The following GRID1 variants were observed in gnomAD, a reference collection of about 807,000 sequenced individuals.
The protein encoded by GRID1 is glutamate receptor ionotropic, delta-1.
GRID1 carries 28 observed loss-of-function variants against 98.0 expected under a neutral mutation model. The observed-to-expected ratio is 0.29, with a 90% CI of 0.21 to 0.39. The LOEUF is 0.39. Among genes scored for constraint, GRID1 ranks in the 10% least tolerant of loss-of-function variants. The probability of loss-of-function intolerance (pLI) is 1.00; values close to 1 mark genes in which losing one functional copy is unlikely to be tolerated. For missense variants in GRID1, 1,111 were observed against 1,340.5 expected, an observed-to-expected ratio of 0.83 and a Z score of 2.67; for synonymous variants, 553 against 538.5, an observed-to-expected ratio of 1.03 and a Z score of -0.37.
At chr10:86,032,666 T>TA (rs1185097136) in intron 4 of GRID1, among the ~76,000 whole-genome samples, 2 of 151,988 alleles carry the variant, frequency 1.3e-5, no homozygotes, top group East Asian at 3.9e-4. Context: ...TAATCTCAAA[T>TA]ACCCAGGGAC....
chr10:85,772,054 T>C (rs11498989), intron 8 of GRID1, among the ~76,000 whole-genome samples: 3,364 of 152,016 alleles, frequency 0.022, 114 homozygotes, highest in African/African-American at 0.077. Context: ...TATTCCAAAA[T>C]TGACCACATA....
At chr10:86,044,171 C>T (rs777465622) in intron 4 of GRID1, among the ~76,000 whole-genome samples, 7 of 152,220 alleles carry the variant, frequency 4.6e-5, no homozygotes, top group Non-Finnish European at 1.0e-4. Context: ...TCCCCAGAGT[C>T]TAGCAAGTGG....
intron 6 of GRID1, 119 bp downstream of exon 6, chr10:85,868,891 G>T: frequency 6.3e-6 from 5 of 792,872 alleles, no homozygotes; most frequent in Non-Finnish European, 1.0e-5. Flanking sequence ...TTCAACAAAT[G>T]ACAGAGCTCT....
At chr10:86,198,011 T>A (rs114641686) in intron 3 of GRID1, among the ~76,000 whole-genome samples, 2,503 of 152,194 alleles carry the variant, frequency 0.016, 84 homozygotes, top group African/African-American at 0.057. Context: ...CAATGTGTAT[T>A]ATTAATGAGA....
chr10:85,599,802 A>AAAAAT lies in GRID1; in HGVS notation c.*2470_*2471insATTTT. On this transcript the variant is annotated 3_prime_UTR_variant, in exon 16 of 16. Coordinates refer to ENST00000327946, the MANE Select transcript of GRID1 (RefSeq NM_017551.3). ...GTAGAAAATTCTAAAAAAAAAAAAA[A>AAAAAT]ATATATATATATATATATAAACATG... 3 of 64,958 alleles carry AAAAAT rather than the reference A, an allele frequency of 4.6e-5. No homozygotes were observed. The highest frequency in any genetic ancestry group is 1.7e-4 in the Admixed American group (1 of 5,844). The allele number at this position is 64,958 out of a possible 1,614,324, so 4.0% of individuals were successfully genotyped here. A position where few individuals can be genotyped will look rare whatever the true frequency, so the allele number is the denominator to read the frequency against.
intron 8 of GRID1, among the ~76,000 whole-genome samples, chr10:85,803,146 G>T (rs969583574): frequency 2.0e-5 from 3 of 151,982 alleles, no homozygotes; most frequent in Non-Finnish European, 4.4e-5. Context: ...TTAAAAGAAT[G>T]AGTAAGAGCT....
At chr10:85,987,920 C>T (rs913732964) in intron 4 of GRID1, among the ~76,000 whole-genome samples, 9 of 152,038 alleles carry the variant, frequency 5.9e-5, no homozygotes, top group Non-Finnish European at 1.0e-4. Context: ...TGTGTAATGC[C>T]TACCTCACCT....
intron 2 of GRID1, among the ~76,000 whole-genome samples, chr10:86,306,095 C>A (rs1481531696): frequency 6.6e-6 from 1 of 152,208 alleles, no homozygotes; most frequent in African/African-American, 2.4e-5. Flanking sequence ...CCTGTGGATG[C>A]AGAGAGGAGG....
At chr10:86,259,126 G>GGGCTGGACACAGGCCAACATA (rs1846970623) in intron 2 of GRID1, among the ~76,000 whole-genome samples, 1 of 152,252 alleles carries the variant, frequency 6.6e-6, no homozygotes, top group African/African-American at 2.4e-5. Flanking sequence ...AGGCCAACAT[G>GGGCTGGACACAGGCCAACATA]TGCTGCCCAG....
intron 4 of GRID1, among the ~76,000 whole-genome samples, chr10:85,936,728 T>C (rs891297991): frequency 3.1e-4 from 47 of 152,326 alleles, no homozygotes; most frequent in Non-Finnish European, 5.7e-4. Context: ...TTTACTTGCC[T>C]CTATTTTGAC....
Position 85,600,955 on chromosome 10 carries a change from G to C in GRID1, c.*1318C>G, listed in dbSNP as rs2616672. 98,024 of 152,112 alleles carry C rather than the reference G, an allele frequency of 0.64. 32,349 individuals carry two copies. Among genetic ancestry groups the C allele is most frequent in the African/African-American group, 0.8 (33,332 of 41,442 alleles). The allele number at this position is 152,112 out of a possible 1,614,324, so 9.4% of individuals were successfully genotyped here. A position where few individuals can be genotyped will look rare whatever the true frequency, so the allele number is the denominator to read the frequency against. The stretch of plus-strand genomic sequence containing the variant: ...GTCTGGTCTGGAGAGGGTCGTAAAG[G>C]TGGAAGGGAGAGTTTGTGCTGGAGC... On this transcript the variant is annotated 3_prime_UTR_variant, in exon 16 of 16. Coordinates refer to ENST00000327946, the MANE Select transcript of GRID1 (RefSeq NM_017551.3).
In GRID1 at chr10:85,957,292, C is replaced by A. The variant is rs1842207249; in HGVS notation, c.727-41053G>T. Among the ~76,000 whole-genome samples, 2 of 152,180 alleles carry A rather than the reference C, an allele frequency of 1.3e-5. 1 individual carries two copies. Among genetic ancestry groups the A allele is most frequent in the South Asian group, 4.1e-4 (2 of 4,830 alleles). On this transcript the variant is annotated intron_variant, in intron 4 of 15. Transcript: ENST00000327946. ...GAGGCAGCTCCAGGGGTTTGGAGAA[C>A]AAACTACAAAAATAACTTTAGAGTA...
rs571510451 is a variant in GRID1 at position 86,251,377 on chromosome 10, T to C, written c.236-44729A>G. On this transcript the variant is annotated intron_variant, in intron 2 of 15. Transcript: ENST00000327946. ...AAAAAAAAAAAAAAAAAAAAAAAAA[T>C]TGCATGTATTTTTATATGCAATATG... is the stretch of plus-strand genomic sequence containing the variant. Among the ~76,000 whole-genome samples the C allele has an allele frequency of 4.3e-4, 64 of 150,156 alleles. 1 individual carries two copies. The highest frequency in any genetic ancestry group is 1.6e-3 in the African/African-American group (63 of 40,634).
At chr10:85,785,123 C>T (rs1269699255) in intron 8 of GRID1, among the ~76,000 whole-genome samples, 1 of 152,228 alleles carries the variant, frequency 6.6e-6, no homozygotes, top group African/African-American at 2.4e-5. Context: ...CATGCACACA[C>T]TTGTGCACCC....
intron 12 of GRID1, among the ~76,000 whole-genome samples, chr10:85,695,743 T>C (rs1161333653): frequency 1.3e-5 from 2 of 151,996 alleles, no homozygotes; most frequent in East Asian, 1.9e-4. Flanking sequence ...AATCTAAAAA[T>C]AAATAAGAAA....
At chr10:85,877,205 G>A (rs1843343007) in intron 5 of GRID1, among the ~76,000 whole-genome samples, 1 of 152,226 alleles carries the variant, frequency 6.6e-6, no homozygotes, top group Non-Finnish European at 1.5e-5. Context: ...AAACACAGCA[G>A]TAACCTCTGC....
intron 4 of GRID1, among the ~76,000 whole-genome samples, chr10:85,952,261 C>T (rs374596469): frequency 5.3e-5 from 8 of 152,182 alleles, no homozygotes; most frequent in African/African-American, 1.9e-4. Context: ...ACGACATCAA[C>T]CTGAAAACAG....
At chr10:85,876,764 G>C (rs890610330) in intron 5 of GRID1, among the ~76,000 whole-genome samples, 1 of 152,224 alleles carries the variant, frequency 6.6e-6, no homozygotes, top group Non-Finnish European at 1.5e-5. Context: ...GTGCAGGACA[G>C]TGGATGCAGC....
chr10:86,159,756 C>T (rs1324959746), intron 3 of GRID1, among the ~76,000 whole-genome samples: 1 of 152,196 alleles, frequency 6.6e-6, no homozygotes, highest in Non-Finnish European at 1.5e-5. Flanking sequence ...GACTCCACCC[C>T]TTACCAACCA....
Sources: gnomAD v4.1 joint callset for allele counts (sites outside exome capture counted in the v4.1 genomes callset) on GRCh38, gnomAD v4.1.1 for gene constraint, MANE v1.5 for transcripts, NCBI Gene and HGNC (gene_info 2026-07-23, HGNC 2026-07-21) for gene names.